Variants in SYNE2 observed in about 807,000 individuals in gnomAD.
The protein encoded by SYNE2 is spectrin repeat containing nuclear envelope protein 2, also known as nesprin-2.
Under a neutral mutation model 856.3 loss-of-function variants are expected in SYNE2, and 431 were observed. That is an observed-to-expected ratio of 0.50 (90% CI 0.47 to 0.55). The LOEUF is 0.55. Among genes scored for constraint, SYNE2 ranks in the 20% least tolerant of loss-of-function variants. The pLI, the probability that SYNE2 is intolerant of heterozygous loss-of-function variation, is 0.00. For missense variants in SYNE2, 8,129 were observed against 8,023.2 expected (o/e 1.01, Z -0.50); for synonymous variants, 2,923 against 2,872.3 (o/e 1.02, Z -0.56).
chr14:64,091,456 T>C (rs1351740202), intron 60 of SYNE2, among the ~76,000 whole-genome samples: 1 of 152,236 alleles, frequency 6.6e-6, no homozygotes, highest in Non-Finnish European at 1.5e-5. Flanking sequence ...GTAGGCACTT[T>C]ATCTTTATTT....
Position 64,167,336 on chromosome 14 carries a change from A to G in SYNE2, c.16709A>G (p.Asn5570Ser), listed in dbSNP as rs748707471. The G allele has an allele frequency of 6.2e-7, 1 of 1,614,228 alleles. No individual in the cohort carries two copies. The highest frequency in any genetic ancestry group is 1.1e-5 in the South Asian group (1 of 91,088). ...LSDVAVKTLQ[N>S]MNRQWIRATA... ...GACGTAGCTGTGAAGACGTTACAAA[A>G]TATGAACCGGCAATGGATTCGGGCC... The change falls in exon 91 of 116, where the codon AAT becomes AGT. Residue 5570 changes from asparagine to serine, a missense_variant. Asn to Ser is a conservative substitution (Grantham distance 46, BLOSUM62 1). Around this residue, in one of 3 missense-constraint regions of SYNE2, gnomAD observed 5,410 missense variants for 5,284.8 expected, o/e 1.02. Transcript: ENST00000555002.
intron 1 of SYNE2, among the ~76,000 whole-genome samples, chr14:63,887,886 G>A (rs2095034826): frequency 6.6e-6 from 1 of 151,620 alleles, no homozygotes; most frequent in South Asian, 2.1e-4. Flanking sequence ...CTGAGTAGCT[G>A]GGATTACAGG....
intron 6 of SYNE2, 40 bp downstream of exon 6, chr14:63,942,183 C>T (rs1424885333): frequency 8.2e-7 from 1 of 1,224,452 alleles, no homozygotes; most frequent in Admixed American, 1.7e-5. Flanking sequence ...TCTACCCTAC[C>T]ACAGTATAAA....
chr14:64,047,596 A>C (rs933658148), intron 45 of SYNE2, among the ~76,000 whole-genome samples: 8 of 152,274 alleles, frequency 5.3e-5, no homozygotes, highest in African/African-American at 1.9e-4. Flanking sequence ...AATATCACAA[A>C]TCCTTGGTGT....
chr14:63,774,421 A>G (rs968304564), intron 1 of SYNE2, among the ~76,000 whole-genome samples: 4 of 148,358 alleles, frequency 2.7e-5, no homozygotes, highest in African/African-American at 7.4e-5. Flanking sequence ...GTGAGCCGAG[A>G]TCGAGCCATT....
chr14:63,821,436 T>A (rs1173649730), intron 1 of SYNE2, among the ~76,000 whole-genome samples: 2 of 152,132 alleles, frequency 1.3e-5, no homozygotes, highest in African/African-American at 4.8e-5. Flanking sequence ...AAAATGTATT[T>A]GTGTAGAAGC....
In SYNE2 at chr14:64,219,103, TG is replaced by T. The variant is rs369831743; in HGVS notation, c.19658-104del. On this transcript the variant is annotated intron_variant, in intron 109 of 115. Transcript: ENST00000555002. ...TCAGGGGAATCCCCTACAGTTTTTT[TG>T]TTTTTTTTTTTTTTTTTTTTAACCA... 16,974 of 541,678 alleles carry T rather than the reference TG, an allele frequency of 0.031. 1,082 individuals carry two copies. The highest frequency in any genetic ancestry group is 0.089 in the African/African-American group (2,466 of 27,832). 33.6% of individuals were successfully genotyped at this position (541,678 alleles called of 1,614,324 possible).
chr14:63,856,723 C>CT (rs1381813001), intron 1 of SYNE2, among the ~76,000 whole-genome samples: 1 of 152,166 alleles, frequency 6.6e-6, no homozygotes, highest in Non-Finnish European at 1.5e-5. Flanking sequence ...ATAATGCCCC[C>CT]TTTCCTACTT....
At chr14:64,185,317 A>AG (rs2098483064) in intron 96 of SYNE2, among the ~76,000 whole-genome samples, 1 of 152,138 alleles carries the variant, frequency 6.6e-6, no homozygotes, top group Admixed American at 6.5e-5. Context: ...ATTTCATTTG[A>AG]CAGATAGGAG....
intron 1 of SYNE2, chr14:63,864,420 G>T (rs1451491061): frequency 2.0e-5 from 3 of 152,224 alleles, no homozygotes; most frequent in East Asian, 1.9e-4. Context: ...ACAGATTGAT[G>T]ATTTGGTTAC....
chr14:63,983,885 A>C lies in SYNE2; in HGVS notation c.2150A>C (p.Lys717Thr). The change falls in exon 18 of 116, where the codon AAG becomes ACG. Residue 717 changes from lysine (K) to threonine (T), a missense_variant and splice_region_variant. By Grantham distance (78) the Lys-to-Thr change is moderately conservative. Around this residue, in one of 3 missense-constraint regions of SYNE2, gnomAD observed 2,422 missense variants for 2,357.4 expected, o/e 1.03. Coordinates refer to ENST00000555002, the MANE Select transcript of SYNE2 (RefSeq NM_182914.3). ...ELPENYNQNI[K>T]AGEKHEKENE... ...CCTGAAAATTATAATCAAAATATAA[A>C]GGTAAAATAATCATACTTTGTATAT... is the stretch of plus-strand genomic sequence containing the variant. 7 of 1,507,112 alleles carry C rather than the reference A, an allele frequency of 4.6e-6. No individual in the cohort carries two copies. Among genetic ancestry groups the C allele is most frequent in the Non-Finnish European group, 6.4e-6 (7 of 1,092,136 alleles). 93.4% of individuals were successfully genotyped at this position (1,507,112 alleles called of 1,614,324 possible).
chr14:63,884,638 AAAGACGGGAAGGT>A (rs907852323), intron 1 of SYNE2, among the ~76,000 whole-genome samples: 2 of 152,048 alleles, frequency 1.3e-5, no homozygotes, highest in Non-Finnish European at 2.9e-5. Context: ...GAGTGTGTGC[AAAGACGGGAAGGT>A]GAGAGAGAAC....
At chr14:63,940,973 T>A (rs1416846717) in intron 3 of SYNE2, among the ~76,000 whole-genome samples, 2 of 152,240 alleles carry the variant, frequency 1.3e-5, no homozygotes, top group East Asian at 1.9e-4. Context: ...GATTTGCATA[T>A]AATAAATGTT....
chr14:63,893,221 T>A (rs1422945455), intron 1 of SYNE2, among the ~76,000 whole-genome samples: 2 of 151,900 alleles, frequency 1.3e-5, no homozygotes, highest in Admixed American at 6.6e-5. Flanking sequence ...AAGAAAAAAA[T>A]TTAATAGAAG....
intron 25 of SYNE2, 44 bp downstream of exon 25, chr14:63,997,435 A>G (rs2096722058): frequency 3.5e-6 from 5 of 1,440,526 alleles, no homozygotes; most frequent in Non-Finnish European, 4.8e-6. Context: ...ACCCAAAGTA[A>G]AAGACCAAGT....
intron 1 of SYNE2, among the ~76,000 whole-genome samples, chr14:63,812,621 T>C (rs1310811633): frequency 6.6e-6 from 1 of 152,202 alleles, no homozygotes; most frequent in Non-Finnish European, 1.5e-5. Flanking sequence ...GTTCAGGGAT[T>C]GCAGTAAAGA....
At chr14:64,209,782 C>T (rs1005840333) in intron 102 of SYNE2, 160 bp from the exon 103 acceptor site, 1 of 1,160,884 alleles carries the variant, frequency 8.6e-7, no homozygotes, top group Admixed American at 2.0e-5. Context: ...AACTTGAAAG[C>T]CTGTTCTGTA....
intron 100 of SYNE2, among the ~76,000 whole-genome samples, chr14:64,203,793 G>A (rs2098591311): frequency 6.6e-6 from 1 of 152,154 alleles, no homozygotes; most frequent in African/African-American, 2.4e-5. Context: ...TTTTCTTCAT[G>A]TTAAGCCTCC....
In SYNE2 at chr14:64,209,602, C is replaced by T. The variant is rs760879290; in HGVS notation, c.18540+24C>T. 7 of 1,613,120 alleles carry T rather than the reference C, an allele frequency of 4.3e-6. No homozygotes were observed. In the African/African-American group the frequency reaches 8.0e-5, roughly 18 times the overall value. ...AGGTAAACACCTTCTCCATCCCGGT[C>T]TCCTGATCATAACCAAGCCTGCAGC... On this transcript the variant is annotated intron_variant, in intron 102 of 115. Coordinates refer to ENST00000555002, the MANE Select transcript of SYNE2 (RefSeq NM_182914.3).
Sources: gnomAD v4.1 joint callset for allele counts (sites outside exome capture counted in the v4.1 genomes callset) on GRCh38, gnomAD v4.1.1 for gene constraint, gnomAD v4.1.1 regional missense constraint, MANE v1.5 for transcripts, NCBI Gene and HGNC (gene_info 2026-07-23, HGNC 2026-07-21) for gene names.